The following MAP2K6 variants were observed in gnomAD, a reference collection of about 807,000 sequenced individuals.
MAP2K6 encodes dual specificity mitogen-activated protein kinase kinase 6.
Under a neutral mutation model 53.7 loss-of-function variants are expected in MAP2K6, and 16 were observed. The ratio of observed to expected loss-of-function variants is 0.30; its 90% CI spans 0.20 to 0.45. The LOEUF is 0.45. Among genes scored for constraint, MAP2K6 ranks in the 20% least tolerant of loss-of-function variants. The pLI is 1.00. For synonymous variants in MAP2K6, 132 were observed against 143.1 expected (o/e 0.92, Z 0.55); for missense variants, 204 against 411.9 (o/e 0.50, Z 4.37).
chr17:69,512,645 CTTAAA>C (rs1323138332), intron 2 of MAP2K6, among the ~76,000 whole-genome samples: 4 of 152,018 alleles, frequency 2.6e-5, no homozygotes, highest in African/African-American at 9.7e-5. Flanking sequence ...CCTGAGTGTT[CTTAAA>C]TTATTTAGTC....
intron 10 of MAP2K6, among the ~76,000 whole-genome samples, chr17:69,534,311 T>C (rs991644171): frequency 4.6e-5 from 7 of 152,212 alleles, no homozygotes; most frequent in Non-Finnish European, 7.3e-5. Flanking sequence ...AATCAGACTT[T>C]GCCGCCTGTT....
At chr17:69,490,868 C>G (rs112452600) in intron 1 of MAP2K6, among the ~76,000 whole-genome samples, 18 of 152,064 alleles carry the variant, frequency 1.2e-4, no homozygotes, top group Non-Finnish European at 2.5e-4. Flanking sequence ...TCTCCCTCCC[C>G]CTCCTTCCAC....
At chr17:69,453,205 G>A (rs1465311625) in intron 1 of MAP2K6, among the ~76,000 whole-genome samples, 2 of 152,228 alleles carry the variant, frequency 1.3e-5, no homozygotes, top group African/African-American at 2.4e-5. Flanking sequence ...GACAAACTAC[G>A]TGATAGAACT....
intron 1 of MAP2K6, among the ~76,000 whole-genome samples, chr17:69,491,218 AC>A (rs1432811153): frequency 2.6e-5 from 4 of 150,966 alleles, no homozygotes; most frequent in African/African-American, 9.8e-5. Flanking sequence ...ATCTTGGCTC[AC>A]TGCAACCTCT....
chr17:69,536,284 G>A (rs1218844649), intron 11 of MAP2K6, 124 bp downstream of exon 11: 2 of 717,648 alleles, frequency 2.8e-6, no homozygotes, highest in Non-Finnish European at 4.9e-6. Flanking sequence ...ATCAGTGACA[G>A]GAATTGAACT....
At chr17:69,524,022 C>T (rs61758059) in intron 8 of MAP2K6, among the ~76,000 whole-genome samples, 3 of 151,978 alleles carry the variant, frequency 2.0e-5, no homozygotes, top group East Asian at 1.9e-4. Flanking sequence ...GTGAAAGGGG[C>T]GAGGGATCTC....
chr17:69,473,905 G>A (rs73363631), intron 1 of MAP2K6, among the ~76,000 whole-genome samples: 516 of 152,270 alleles, frequency 3.4e-3, no homozygotes, highest in African/African-American at 0.012. Flanking sequence ...ATGTGTGATC[G>A]TAAGCCAGAC....
intron 1 of MAP2K6, among the ~76,000 whole-genome samples, chr17:69,439,764 G>T (rs1906758769): frequency 6.6e-6 from 1 of 151,994 alleles, no homozygotes; most frequent in African/African-American, 2.4e-5. Flanking sequence ...TTGGTATTAA[G>T]TTTGCCTCCT....
chr17:69,533,930 T>G lies in MAP2K6; in HGVS notation c.882-2185T>G, dbSNP rs185661515. Among the ~76,000 whole-genome samples, 157 of 152,158 alleles carry G rather than the reference T, an allele frequency of 1.0e-3. 1 individual carries two copies. Among genetic ancestry groups the G allele is most frequent in the African/African-American group, 3.6e-3 (148 of 41,508 alleles). On this transcript the variant is annotated intron_variant, in intron 10 of 11. Transcript: ENST00000590474. ...AAGACAAAGACAAACCAGCTGGAGA[T>G]GGTCCTTTTAAGTGAAGGGGAGAGG...
rs142631742 is a variant in MAP2K6, at chr17:69,460,440, G to A, written c.17-45340G>A. Among the ~76,000 whole-genome samples the A allele has an allele frequency of 4.9e-4, 75 of 152,310 alleles. 2 individuals are homozygous for A. In the East Asian group the frequency reaches 0.013, roughly 27 times the overall value. ...TGAAGGAGTATTGAGAGATGAGGCT[G>A]GGGCAAGCAAGGAGGAACGTGTTGG... On this transcript the variant is annotated intron_variant, in intron 1 of 11. Coordinates refer to ENST00000590474, the MANE Select transcript of MAP2K6 (RefSeq NM_002758.4).
intron 1 of MAP2K6, among the ~76,000 whole-genome samples, chr17:69,429,779 G>A (rs1169614318): frequency 1.3e-5 from 2 of 152,184 alleles, no homozygotes; most frequent in African/African-American, 2.4e-5. Flanking sequence ...CCAGCTGAGA[G>A]CTGATGTCCA....
In MAP2K6 at chr17:69,551,284, A is replaced by G. The variant is rs1912089401; in HGVS notation, c.*9531A>G. The stretch of plus-strand genomic sequence containing the variant: ...GTCTGAGACTCAAGCTAACAGAGCT[A>G]CCCCTTGCTGCCTTTTGCAAAGGTG... On this transcript the variant is annotated 3_prime_UTR_variant, in exon 12 of 12. Coordinates refer to ENST00000590474, the MANE Select transcript of MAP2K6 (RefSeq NM_002758.4). 1 of 152,218 alleles carries G rather than the reference A, an allele frequency of 6.6e-6. No homozygotes were observed. Among genetic ancestry groups the G allele is most frequent in the African/African-American group, 2.4e-5 (1 of 41,442 alleles). 9.4% of individuals were successfully genotyped at this position (152,218 alleles called of 1,614,324 possible). A position where few individuals can be genotyped will look rare whatever the true frequency, so the allele number is the denominator to read the frequency against.
rs1425881045 is a variant in MAP2K6 at position 69,515,400 on chromosome 17, G to A, written c.84-1455G>A. ...TCGAACTCCTGACCTCAGGTGATCC[G>A]CCTGCCTCAGCCTCCCAAAGTGCTG... is the stretch of plus-strand genomic sequence containing the variant. On this transcript the variant is annotated intron_variant, in intron 2 of 11. Transcript: ENST00000590474. 3.3e-5 allele frequency among the ~76,000 whole-genome samples: 5 copies of A among 151,972 alleles called. No individual in the cohort carries two copies. The East Asian group carries it at 5.8e-4, about 18-fold the overall frequency.
chr17:69,489,537 T>G (rs1207284997), intron 1 of MAP2K6, among the ~76,000 whole-genome samples: 4 of 152,244 alleles, frequency 2.6e-5, no homozygotes, highest in Non-Finnish European at 5.9e-5. Flanking sequence ...GAAGCAATAG[T>G]TGTTAATTAC....
At chr17:69,537,460 G>T (rs1283992514) in intron 11 of MAP2K6, among the ~76,000 whole-genome samples, 2 of 152,198 alleles carry the variant, frequency 1.3e-5, no homozygotes, top group Admixed American at 6.5e-5. Context: ...AAGCCCTGCT[G>T]TCTTCAAGAC....
chr17:69,422,246 C>T (rs538022363), intron 1 of MAP2K6, among the ~76,000 whole-genome samples: 114 of 151,274 alleles, frequency 7.5e-4, no homozygotes, highest in African/African-American at 2.6e-3. Flanking sequence ...ATTCTCCTGC[C>T]TCAGCCTCCC....
chr17:69,416,017 C>A (rs1275524656), intron 1 of MAP2K6, among the ~76,000 whole-genome samples: 3 of 152,036 alleles, frequency 2.0e-5, no homozygotes, highest in Non-Finnish European at 4.4e-5. Flanking sequence ...CCCCTGGGAC[C>A]CCAAGTCACT....
Position 69,452,758 on chromosome 17 carries a change from G to C in MAP2K6, c.16+37758G>C, listed in dbSNP as rs76853715. ...GAACTATGGGGATAATTTTAAAATGGATTGTTTAGGTTTTAGCAAAGTAGC... is the reference window on the plus strand; with the variant it reads ...GAACTATGGGGATAATTTTAAAATGCATTGTTTAGGTTTTAGCAAAGTAGC... On this transcript the variant is annotated intron_variant, in intron 1 of 11. Coordinates refer to ENST00000590474, the MANE Select transcript of MAP2K6 (RefSeq NM_002758.4). Among the ~76,000 whole-genome samples the C allele has an allele frequency of 4.4e-3, 673 of 152,314 alleles. 4 individuals are homozygous for C. The highest frequency in any genetic ancestry group is 6.1e-3 in the Non-Finnish European group (417 of 68,034).
intron 9 of MAP2K6, among the ~76,000 whole-genome samples, chr17:69,525,977 A>C (rs747329132): frequency 6.6e-6 from 1 of 152,212 alleles, no homozygotes; most frequent in African/African-American, 2.4e-5. Context: ...GTGGATCACC[A>C]AGGTCTGGAA....
Sources: gnomAD v4.1 joint callset for allele counts (sites outside exome capture counted in the v4.1 genomes callset) on GRCh38, gnomAD v4.1.1 for gene constraint, MANE v1.5 for transcripts, NCBI Gene and HGNC (gene_info 2026-07-23, HGNC 2026-07-21) for gene names.